The following SUGCT variants were observed in gnomAD, a reference collection of about 807,000 sequenced individuals.
SUGCT encodes the protein succinyl-CoA:glutarate-CoA transferase, also known as succinyl-CoA:glutarate CoA-transferase.
Under a neutral mutation model 55.0 loss-of-function variants are expected in SUGCT, and 41 were observed. The ratio of observed to expected loss-of-function variants is 0.74; its 90% CI spans 0.58 to 0.97. SUGCT has a LOEUF of 0.97. Ranked by LOEUF, SUGCT falls within the 50% of genes least tolerant of loss-of-function variation. The pLI, the probability that SUGCT is intolerant of heterozygous loss-of-function variation, is 0.00. For synonymous variants in SUGCT, 187 were observed against 200.4 expected (o/e 0.93, Z 0.56); for missense variants, 568 against 547.8 (o/e 1.04, Z -0.37).
chr7:40,231,150 G>T (rs1362319069), intron 6 of SUGCT, among the ~76,000 whole-genome samples: 1 of 152,160 alleles, frequency 6.6e-6, no homozygotes, highest in Non-Finnish European at 1.5e-5. Flanking sequence ...AAACTCAGTT[G>T]CCAGGAGTCC....
chr7:40,989,926 T>C, the SUGCT span, among the ~76,000 whole-genome samples: 1 of 152,256 alleles, frequency 6.6e-6, no homozygotes, highest in Non-Finnish European at 1.5e-5. Flanking sequence ...TGCTGAAGTC[T>C]TGAACCCCTC....
At chr7:40,800,016 G>A (rs1790730582) in intron 13 of SUGCT, among the ~76,000 whole-genome samples, 1 of 152,100 alleles carries the variant, frequency 6.6e-6, no homozygotes, top group South Asian at 2.1e-4. Flanking sequence ...ACTCACTGTG[G>A]GCCTGGAAAA....
chr7:40,836,712 A>T (rs1792998904), intron 13 of SUGCT, among the ~76,000 whole-genome samples: 1 of 152,088 alleles, frequency 6.6e-6, no homozygotes, highest in Admixed American at 6.6e-5. Flanking sequence ...ACTGCACGTA[A>T]CTTCTTTATT....
At chr7:40,555,427 G>A (rs1795508798) in intron 12 of SUGCT, among the ~76,000 whole-genome samples, 1 of 151,922 alleles carries the variant, frequency 6.6e-6, no homozygotes, top group Non-Finnish European at 1.5e-5. Context: ...AGTCCTGGGT[G>A]TTATTCATTC....
At chr7:40,844,135 T>C (rs1390620437) in intron 13 of SUGCT, among the ~76,000 whole-genome samples, 3 of 152,196 alleles carry the variant, frequency 2.0e-5, no homozygotes, top group East Asian at 1.9e-4. Context: ...CTTTTTTAGC[T>C]CTGCTGTCTG....
chr7:40,481,073 G>A (rs1223826110), intron 11 of SUGCT, among the ~76,000 whole-genome samples: 4 of 152,176 alleles, frequency 2.6e-5, no homozygotes, highest in African/African-American at 9.7e-5. Context: ...CCAGCACTTT[G>A]GGAGGTTGAG....
chr7:40,819,148 T>C (rs1367863116), intron 13 of SUGCT, among the ~76,000 whole-genome samples: 1 of 152,022 alleles, frequency 6.6e-6, no homozygotes, highest in Non-Finnish European at 1.5e-5. Flanking sequence ...CTTAATCCAG[T>C]CTATTGTTGA....
intron 12 of SUGCT, among the ~76,000 whole-genome samples, chr7:40,655,162 C>T (rs1316055561): frequency 2.0e-5 from 3 of 152,016 alleles, no homozygotes; most frequent in African/African-American, 7.2e-5. Context: ...AGTGCGGTGG[C>T]GTGTGCCTTT....
chr7:40,919,991 C>T, the SUGCT span, among the ~76,000 whole-genome samples: 2 of 152,206 alleles, frequency 1.3e-5, no homozygotes, highest in African/African-American at 4.8e-5. Flanking sequence ...CTTTCTTCCT[C>T]CATAGTTTTT....
intron 13 of SUGCT, among the ~76,000 whole-genome samples, chr7:40,780,076 C>T (rs2128736356): frequency 6.6e-6 from 1 of 152,230 alleles, no homozygotes; most frequent in African/African-American, 2.4e-5. Context: ...TTTCTTTCTT[C>T]CTCTTTCTAG....
At chr7:40,476,752 T>C (rs900611413) in intron 11 of SUGCT, among the ~76,000 whole-genome samples, 55 of 152,144 alleles carry the variant, frequency 3.6e-4, no homozygotes, top group African/African-American at 1.1e-3. Context: ...AATATTACTG[T>C]ACAAATGGAA....
chr7:40,324,667 A>G (rs950940001), intron 9 of SUGCT, among the ~76,000 whole-genome samples: 3 of 152,138 alleles, frequency 2.0e-5, no homozygotes, highest in African/African-American at 4.8e-5. Context: ...GACTCTTCCA[A>G]AAAATTTTGG....
At chr7:40,691,189 C>T (rs1000603199) in intron 12 of SUGCT, among the ~76,000 whole-genome samples, 4 of 152,168 alleles carry the variant, frequency 2.6e-5, no homozygotes, top group Non-Finnish European at 4.4e-5. Context: ...TGGCCCTCTA[C>T]TTGAAGATGC....
chr7:40,806,157 T>A (rs1203125316), intron 13 of SUGCT, among the ~76,000 whole-genome samples: 1 of 152,300 alleles, frequency 6.6e-6, no homozygotes, highest in South Asian at 2.1e-4. Flanking sequence ...AGATATTCTG[T>A]AATAAGTTCC....
chr7:40,704,724 A>C (rs1231713498), intron 12 of SUGCT, among the ~76,000 whole-genome samples: 1 of 152,212 alleles, frequency 6.6e-6, no homozygotes, highest in African/African-American at 2.4e-5. Flanking sequence ...GATGACAACA[A>C]CTAACCCAAC....
intron 9 of SUGCT, among the ~76,000 whole-genome samples, chr7:40,415,421 C>G (rs1562760581): frequency 6.9e-6 from 1 of 144,384 alleles, no homozygotes; most frequent in African/African-American, 2.5e-5. Flanking sequence ...GTTGCTTATA[C>G]TTTTTTTTTT....
chr7:40,444,655 C>G (rs554942402), intron 9 of SUGCT, among the ~76,000 whole-genome samples: 1 of 152,270 alleles, frequency 6.6e-6, no homozygotes, highest in East Asian at 1.9e-4. Context: ...AATATACAAT[C>G]ATGTCATCTG....
At chr7:40,415,421 CTT>C (rs1043431997) in intron 9 of SUGCT, among the ~76,000 whole-genome samples, 1 of 144,410 alleles carries the variant, frequency 6.9e-6, no homozygotes. Flanking sequence ...GTTGCTTATA[CTT>C]TTTTTTTTTA....
chr7:40,401,152 G>A (rs2151321837), intron 9 of SUGCT, among the ~76,000 whole-genome samples: 1 of 152,208 alleles, frequency 6.6e-6, no homozygotes, highest in South Asian at 2.1e-4. Flanking sequence ...ATCTCATAAA[G>A]CCTCAGATAT....
Sources: allele counts gnomAD v4.1 joint callset (sites outside exome capture counted in the v4.1 genomes callset), GRCh38; gene constraint gnomAD v4.1.1; transcripts MANE v1.5; gene names NCBI Gene and HGNC (gene_info 2026-07-23, HGNC 2026-07-21).